Variants in ZNF557 observed in about 807,000 individuals in gnomAD.
ZNF557 encodes CTB-25J19.9.
A neutral mutation model predicts 21.2 loss-of-function variants in ZNF557; 19 were observed. That is an observed-to-expected ratio of 0.90 (90% confidence interval 0.63 to 1.32). ZNF557 has a LOEUF of 1.32. ZNF557 is among the 40% of genes most tolerant of loss of function. The pLI is 0.00. For missense variants in ZNF557, 487 were observed against 519.8 expected (o/e 0.94, Z 0.61); for synonymous variants, 207 against 194.8 (o/e 1.06, Z -0.52).
At position 7,070,596 on chromosome 19, in the gene ZNF557, T is replaced by G. The variant is rs1977437408; in HGVS notation, c.-137T>G. On this transcript the variant is annotated 5_prime_UTR_variant, in exon 2 of 8. Transcript: ENST00000252840. The stretch of plus-strand genomic sequence containing the variant: ...GTATAATTCAAGCTCAGATTTGTGT[T>G]GAAACCAGCCTCAAGTTTCACCTAT... The G allele has an allele frequency of 1.3e-5, 2 of 152,186 alleles. No individual in the cohort carries two copies. The highest frequency in any genetic ancestry group is 4.8e-5 in the African/African-American group (2 of 41,442). The allele number at this position is 152,186 out of a possible 1,614,324, so 9.4% of individuals were successfully genotyped here.
rs1203563327 is a variant in ZNF557 at position 7,075,726 on chromosome 19, C to T, written c.103C>T (p.Leu35=). 1 of 1,613,278 alleles carries T rather than the reference C, an allele frequency of 6.2e-7. No homozygotes were observed. The change falls in exon 4 of 8, where the codon CTG becomes TTG. Residue 35 remains leucine, a synonymous_variant. Coordinates refer to ENST00000252840, the MANE Select transcript of ZNF557 (RefSeq NM_024341.3). ...GGGCGGAGAGCTGGTTAATGAGCTC[C>T]TGAAAAGCTGGCTAAAGGTGAGTCG... ...TEGGELVNEL[L]KSWLKGLVTF... is the part of the protein sequence containing the mutation.
At chr19:7,076,689 A>C (rs1977592929) in intron 5 of ZNF557, among the ~76,000 whole-genome samples, 182 bp downstream of exon 5, 1 of 152,142 alleles carries the variant, frequency 6.6e-6, no homozygotes, top group Non-Finnish European at 1.5e-5. Context: ...ATTCCAGAAC[A>C]TAGTTGTCAC....
Position 7,083,123 on chromosome 19 carries a change from T to C in ZNF557, c.672T>C (p.Thr224=). ...GKTFSSRSYL[T]VHKRIHNGEK... is the part of the protein sequence containing the mutation. The stretch of plus-strand genomic sequence containing the variant: ...CCTTCAGCAGCAGATCTTACCTTAC[T>C]GTTCATAAGAGAATCCACAATGGGG... Residue 224 remains threonine, a synonymous_variant, in exon 8 of 8, where the codon ACT becomes ACC. Transcript: ENST00000252840. The C allele has an allele frequency of 2.5e-6, 4 of 1,614,014 alleles. No individual in the cohort carries two copies. The highest frequency in any genetic ancestry group is 1.3e-5 in the African/African-American group (1 of 75,022).
intron 5 of ZNF557, among the ~76,000 whole-genome samples, chr19:7,079,739 T>C (rs1977663647): frequency 6.6e-6 from 1 of 152,168 alleles, no homozygotes; most frequent in Non-Finnish European, 1.5e-5. Context: ...GAAGTCTCTG[T>C]TCTGTTAGCT....
intron 2 of ZNF557, 131 bp from the exon 3 acceptor site, chr19:7,074,865 G>A: frequency 1.7e-6 from 1 of 605,186 alleles, no homozygotes; most frequent in Non-Finnish European, 2.8e-6. Flanking sequence ...CAGGAGGGGG[G>A]GTGACCGAGG....
rs1977804235 is a variant in ZNF557, at chr19:7,085,034, T to G, written c.*1290T>G. 1 of 152,190 alleles carries G rather than the reference T, an allele frequency of 6.6e-6. No individual in the cohort carries two copies. The highest frequency in any genetic ancestry group is 1.9e-4 in the East Asian group (1 of 5,198). 9.4% of individuals were successfully genotyped at this position (152,190 alleles called of 1,614,324 possible). On this transcript the variant is annotated 3_prime_UTR_variant, in exon 8 of 8. Coordinates refer to ENST00000252840, the MANE Select transcript of ZNF557 (RefSeq NM_024341.3). ...TATTACCAAGCACAAGACAGTATAG[T>G]TTGGTATGCTATAAAAGCCTTGAAT...
intron 4 of ZNF557, 73 bp downstream of exon 4, chr19:7,075,816 C>T: frequency 1.3e-6 from 2 of 1,571,740 alleles, no homozygotes; most frequent in Non-Finnish European, 1.7e-6. Flanking sequence ...CTTTCAGTGG[C>T]CTGGAGCCCC....
chr19:7,070,390 C>G (rs1347276931), intron 1 of ZNF557, among the ~76,000 whole-genome samples, 172 bp from the exon 2 acceptor site: 2 of 152,168 alleles, frequency 1.3e-5, no homozygotes, highest in Non-Finnish European at 2.9e-5. Context: ...CTGGTGAATT[C>G]AGGCACAGCC....
intron 2 of ZNF557, 48 bp from the exon 3 acceptor site, chr19:7,074,948 G>A (rs995591725): frequency 5.1e-5 from 78 of 1,514,716 alleles, no homozygotes; most frequent in Middle Eastern, 1.7e-4. Context: ...CGCAGGGCAC[G>A]GGCTGGAGGG....
At chr19:7,076,591 G>A in intron 5 of ZNF557, 84 bp downstream of exon 5, 1 of 1,539,308 alleles carries the variant, frequency 6.5e-7, no homozygotes, top group Non-Finnish European at 8.7e-7. Context: ...GGTAACACAG[G>A]ACACAAAAGT....
rs1977422966 is a variant in ZNF557 at position 7,069,789 on chromosome 19, G to C, written c.-172+16G>C. Reference sequence around the variant, plus strand: ...GCTTCATTCCGTGAGTCCGAGTCCAGAGAGGGGCCCCAGCCGCGGGCCTGC... The same window carrying C: ...GCTTCATTCCGTGAGTCCGAGTCCACAGAGGGGCCCCAGCCGCGGGCCTGC... On this transcript the variant is annotated intron_variant, in intron 1 of 7. Coordinates refer to ENST00000252840, the MANE Select transcript of ZNF557 (RefSeq NM_024341.3). 1 of 152,310 alleles carries C rather than the reference G, an allele frequency of 6.6e-6. No homozygotes were observed. Among genetic ancestry groups the C allele is most frequent in the African/African-American group, 2.4e-5 (1 of 41,476 alleles). The allele number at this position is 152,310 out of a possible 1,614,324, so 9.4% of individuals were successfully genotyped here.
rs114857013 is a variant in ZNF557, at chr19:7,079,734, C to G, written c.248-1626C>G. Among the ~76,000 whole-genome samples, 895 of 152,120 alleles carry G rather than the reference C, an allele frequency of 5.9e-3. 11 individuals are homozygous for G. The highest frequency in any genetic ancestry group is 0.02 in the African/African-American group (828 of 41,448). On this transcript the variant is annotated intron_variant, in intron 5 of 7. Coordinates refer to ENST00000252840, the MANE Select transcript of ZNF557 (RefSeq NM_024341.3). ...ATTGGTCATGTGTGGCCACTGAAGT[C>G]TCTGTTCTGTTAGCTTAGTGTTCAG...
At chr19:7,072,555 G>A (rs116689669) in intron 2 of ZNF557, among the ~76,000 whole-genome samples, 17 of 152,072 alleles carry the variant, frequency 1.1e-4, no homozygotes, top group African/African-American at 1.7e-4. Flanking sequence ...AACCTTTCCC[G>A]TGCACTCTGG....
intron 3 of ZNF557, 39 bp downstream of exon 3, chr19:7,075,144 T>C (rs1224827665): frequency 1.2e-6 from 2 of 1,613,796 alleles, no homozygotes; most frequent in Admixed American, 3.3e-5. Context: ...GAGTCCAGGC[T>C]TGAAAGGTCC....
rs545625314 is a variant in ZNF557 at position 7,075,704 on chromosome 19, C to T, written c.81C>T (p.Gly27=). 9.3e-6 allele frequency: 15 copies of T among 1,613,580 alleles called. No individual in the cohort carries two copies. The highest frequency in any genetic ancestry group is 6.7e-5 in the African/African-American group (5 of 74,984). The change falls in exon 4 of 8, where the codon GGC becomes GGT. Residue 27 remains glycine (G), a synonymous_variant. Coordinates refer to ENST00000252840, the MANE Select transcript of ZNF557 (RefSeq NM_024341.3). Reference sequence around the variant, plus strand: ...CTCAGCGAGAAGGACACACAGAGGGCGGAGAGCTGGTTAATGAGCTCCTGA... The same window carrying T: ...CTCAGCGAGAAGGACACACAGAGGGTGGAGAGCTGGTTAATGAGCTCCTGA... ...PASQREGHTE[G]GELVNELLKS...
At position 7,074,298 on chromosome 19, in the gene ZNF557, G is replaced by A. The variant is rs542283351; in HGVS notation, c.-79-698G>A. On this transcript the variant is annotated intron_variant, in intron 2 of 7. Transcript: ENST00000252840. Reference sequence around the variant, plus strand: ...TGGGATTATAGACAGGAGCCACCGCGCCTGGCCAGCCGCTTTCATCTTTGT... The same window carrying A: ...TGGGATTATAGACAGGAGCCACCGCACCTGGCCAGCCGCTTTCATCTTTGT... Among the ~76,000 whole-genome samples the A allele has an allele frequency of 1.0e-3, 148 of 147,560 alleles. No individual in the cohort carries two copies. In the Middle Eastern group the frequency reaches 0.017, roughly 17 times the overall value.
At position 7,083,811 on chromosome 19, in the gene ZNF557, C is replaced by T; in HGVS notation, c.*67C>T. On this transcript the variant is annotated 3_prime_UTR_variant, in exon 8 of 8. Coordinates refer to ENST00000252840, the MANE Select transcript of ZNF557 (RefSeq NM_024341.3). ...CTCAGATAACATGAGCAAACTCTAA[C>T]AAGATGTATGAATCACCTGCTACTG... The T allele has an allele frequency of 2.0e-6, 3 of 1,517,452 alleles. No homozygotes were observed. Among genetic ancestry groups the T allele is most frequent in the South Asian group, 2.7e-5 (2 of 75,060 alleles). The allele number at this position is 1,517,452 out of a possible 1,614,324, so 94.0% of individuals were successfully genotyped here.
chr19:7,074,965 C>T (rs1433408285), intron 2 of ZNF557, 31 bp from the exon 3 acceptor site: 148 of 1,573,238 alleles, frequency 9.4e-5, no homozygotes, highest in Non-Finnish European at 1.2e-4. Flanking sequence ...AGGGGGTGAC[C>T]GAGGCAGAGT....
rs780584260 is a variant in ZNF557, at chr19:7,083,209, C to T, written c.758C>T (p.Pro253Leu). 4.2e-5 allele frequency: 67 copies of T among 1,614,044 alleles called. No homozygotes were observed. Among genetic ancestry groups the T allele is most frequent in the South Asian group, 2.2e-4 (20 of 91,092 alleles). The change falls in exon 8 of 8, where the codon CCG becomes CTG. Residue 253 changes from proline (P) to leucine (L), a missense_variant. Pro to Leu is a moderately conservative substitution (Grantham distance 98, BLOSUM62 -3). Coordinates refer to ENST00000252840, the MANE Select transcript of ZNF557 (RefSeq NM_024341.3). ...KTFSNSSYLR[P>L]HLRIHTGEKP... Reference sequence around the variant, plus strand: ...TTCAGCAATTCCTCATACCTCAGACCGCACTTGAGAATTCACACTGGAGAA... The same window carrying T: ...TTCAGCAATTCCTCATACCTCAGACTGCACTTGAGAATTCACACTGGAGAA...
Sources: allele counts gnomAD v4.1 joint callset (sites outside exome capture counted in the v4.1 genomes callset), GRCh38; gene constraint gnomAD v4.1.1; transcripts MANE v1.5; gene names NCBI Gene and HGNC (gene_info 2026-07-23, HGNC 2026-07-21).